The following MCM3 variants were observed in gnomAD, a reference collection of about 807,000 sequenced individuals.
MCM3 encodes the protein minichromosome maintenance complex component 3, also known as DNA replication licensing factor MCM3.
Under a neutral mutation model 91.3 loss-of-function variants are expected in MCM3, and 59 were observed. The ratio of observed to expected loss-of-function variants is 0.65; its 90% CI spans 0.52 to 0.80. The LOEUF (loss-of-function observed/expected upper bound fraction) is 0.80, where lower values mean the gene tolerates loss of function less well. MCM3 is among the 30% of genes least tolerant of loss of function. MCM3 has a pLI of 0.00. For missense variants in MCM3, 919 were observed against 1,035.4 expected (o/e 0.89, Z 1.54); for synonymous variants, 383 against 379.6 (o/e 1.01, Z -0.10).
rs373133266 is a variant in MCM3, at chr6:52,272,342, G to A, written c.1786C>T (p.Arg596Cys). 3.6e-5 allele frequency: 58 copies of A among 1,614,060 alleles called. 1 individual carries two copies. Among genetic ancestry groups the A allele is most frequent in the Admixed American group, 1.5e-4 (9 of 60,014 alleles). ...CTCATGCTATCCTGGCTGCGCAGGC[G>A]TGAATACTCTTCTGCAATGTAGGTG... is the stretch of plus-strand genomic sequence containing the variant. ...SATYIAEEYS[R>C]LRSQDSMSSD... Residue 596 changes from arginine to cysteine, a missense_variant, in exon 12 of 17, where the codon CGC (arginine) becomes TGC (cysteine). Transcript: ENST00000596288.
intron 9 of MCM3, among the ~76,000 whole-genome samples, chr6:52,275,600 C>G (rs1765488375): frequency 6.6e-6 from 1 of 152,194 alleles, no homozygotes; most frequent in Non-Finnish European, 1.5e-5. Flanking sequence ...ATTCCCAAAT[C>G]TATCCACACA....
chr6:52,280,166 T>C (rs1191220970), intron 4 of MCM3, among the ~76,000 whole-genome samples: 1 of 152,216 alleles, frequency 6.6e-6, no homozygotes, highest in Non-Finnish European at 1.5e-5. Context: ...TCCATACTGT[T>C]AGACATCAGG....
chr6:52,275,652 GA>G lies in MCM3; in HGVS notation c.1374+615del, dbSNP rs761782168. Among the ~76,000 whole-genome samples the G allele has an allele frequency of 4.6e-5, 7 of 152,160 alleles. No individual in the cohort carries two copies. The East Asian group carries it at 1.3e-3, about 29-fold the overall frequency. On this transcript the variant is annotated intron_variant, in intron 9 of 16. Transcript: ENST00000596288. Reference sequence around the variant, plus strand: ...CTACAGCTTCATTCAAAATAGGGAGGAAAAAATGGAAACCACTAAATACCCA... The same window carrying G: ...CTACAGCTTCATTCAAAATAGGGAGGAAAAATGGAAACCACTAAATACCCA...
chr6:52,272,089 G>A (rs1765181621), intron 12 of MCM3, among the ~76,000 whole-genome samples: 2 of 152,118 alleles, frequency 1.3e-5, no homozygotes, highest in African/African-American at 4.8e-5. Flanking sequence ...GGAGGCCAAT[G>A]TCATTTTAAC....
intron 15 of MCM3, 114 bp from the exon 16 acceptor site, chr6:52,266,258 T>C: frequency 1.2e-6 from 1 of 801,212 alleles, no homozygotes; most frequent in Non-Finnish European, 2.2e-6. Context: ...TGCTGAACAC[T>C]CCTATTTCCT....
At position 52,282,181 on chromosome 6, in the gene MCM3, G is replaced by C. The variant is rs375953554; in HGVS notation, c.401-6C>G. 6.2e-7 allele frequency: 1 copy of C among 1,614,002 alleles called. No individual in the cohort carries two copies. The highest frequency in any genetic ancestry group is 1.7e-5 in the Admixed American group (1 of 60,004). On this transcript the variant is annotated splice_region_variant and splice_polypyrimidine_tract_variant and intron_variant, in intron 3 of 16. Transcript: ENST00000596288. ...TTTGGGACGAACTAGAGAACCTAGG[G>C]ATGGAAAATGTGCATATATAAACTC...
In MCM3 at chr6:52,284,715, G is replaced by T; in HGVS notation, c.-41C>A. 1 of 1,582,954 alleles carries T rather than the reference G, an allele frequency of 6.3e-7. No homozygotes were observed. Among genetic ancestry groups the T allele is most frequent in the East Asian group, 2.3e-5 (1 of 43,502 alleles). On this transcript the variant is annotated 5_prime_UTR_variant, in exon 1 of 17. Transcript: ENST00000596288. ...ACTACCTCCACCAAAGTCGCGTGGA[G>T]GTTCCCAGGATGACTCCACCCCGGC... is the stretch of plus-strand genomic sequence containing the variant.
At position 52,273,934 on chromosome 6, in the gene MCM3, A is replaced by C. The variant is rs745891111; in HGVS notation, c.1375-18T>G. Reference sequence around the variant, plus strand: ...TGGTCATACTGGGGAATGCGAGGACAACAGAAGTGGACATGACATCAATAG... The same window carrying C: ...TGGTCATACTGGGGAATGCGAGGACCACAGAAGTGGACATGACATCAATAG... On this transcript the variant is annotated intron_variant, in intron 9 of 16. Coordinates refer to ENST00000596288, the MANE Select transcript of MCM3 (RefSeq NM_002388.6). The C allele has an allele frequency of 4.4e-6, 7 of 1,591,796 alleles. No individual in the cohort carries two copies. In the African/African-American group the frequency reaches 9.4e-5, roughly 21 times the overall value.
rs180922414 is a variant in MCM3 at position 52,283,865 on chromosome 6, A to G, written c.79-459T>C. On this transcript the variant is annotated intron_variant, in intron 1 of 16. Coordinates refer to ENST00000596288, the MANE Select transcript of MCM3 (RefSeq NM_002388.6). ...ATATCAAAACATGTGCACTTCAAATATATACAATAAAAATGTAAATAAAAC... is the reference window on the plus strand; with the variant it reads ...ATATCAAAACATGTGCACTTCAAATGTATACAATAAAAATGTAAATAAAAC... Among the ~76,000 whole-genome samples the G allele has an allele frequency of 2.9e-3, 443 of 152,388 alleles. 1 individual carries two copies. Among genetic ancestry groups the G allele is most frequent in the African/African-American group, 0.01 (428 of 41,600 alleles).
At chr6:52,276,165 G>C in intron 9 of MCM3, 103 bp downstream of exon 9, 3 of 1,028,590 alleles carry the variant, frequency 2.9e-6, no homozygotes, top group Non-Finnish European at 4.3e-6. Context: ...TTTAGTCTTT[G>C]GCCTATTATT....
Position 52,276,268 on chromosome 6 carries a change from C to G in MCM3, c.1374G>C (p.Arg458Ser), listed in dbSNP as rs1406530003. 1 of 1,608,368 alleles carries G rather than the reference C, an allele frequency of 6.2e-7. No individual in the cohort carries two copies. ...ATGGTTGGGGCCTGATTCCACTTAC[C>G]CTGCCGTAGACAGGGTTGGCAGCTG... ...VLAAANPVYG[R>S]YDQYKTPMEN... The change falls in exon 9 of 17, where the codon AGG (arginine) becomes AGC (serine). Residue 458 changes from arginine (R) to serine (S), a missense_variant and splice_region_variant. Around this residue, in one of 3 missense-constraint regions of MCM3, gnomAD observed 233 missense variants for 321.2 expected, o/e 0.73. Coordinates refer to ENST00000596288, the MANE Select transcript of MCM3 (RefSeq NM_002388.6).
In MCM3 at chr6:52,278,897, A is replaced by G. The variant is rs752474698; in HGVS notation, c.771-47T>C. On this transcript the variant is annotated intron_variant, in intron 5 of 16. Transcript: ENST00000596288. ...GGAAACCCGTTATATTCAATTCCTA[A>G]CATCAGTAGCTAGTACCCCTAGCAG... 7 of 1,366,190 alleles carry G rather than the reference A, an allele frequency of 5.1e-6. No individual in the cohort carries two copies. The South Asian group carries it at 7.4e-5, about 14-fold the overall frequency. 84.6% of individuals were successfully genotyped at this position (1,366,190 alleles called of 1,614,324 possible). A position where few individuals can be genotyped will look rare whatever the true frequency, so the allele number is the denominator to read the frequency against.
In MCM3 at chr6:52,270,328, CAAAAAAAAA is replaced by C. The variant is rs35565084; in HGVS notation, c.1828-1111_1828-1103del. ...TGGGCAACAGAGCGAGATTCCATCT[CAAAAAAAAA>C]AAAAAAAAGAAAAAAAAAGAAACTA... On this transcript the variant is annotated intron_variant, in intron 12 of 16. Coordinates refer to ENST00000596288, the MANE Select transcript of MCM3 (RefSeq NM_002388.6). Among the ~76,000 whole-genome samples the C allele has an allele frequency of 2.9e-5, 3 of 103,452 alleles. No homozygotes were observed. In the East Asian group the frequency reaches 7.9e-4, roughly 27 times the overall value. 67.9% of individuals were successfully genotyped at this position (103,452 alleles called of 152,430 possible). A position where few individuals can be genotyped will look rare whatever the true frequency, so the allele number is the denominator to read the frequency against.
Position 52,282,794 on chromosome 6 carries a change from T to C in MCM3, c.259A>G (p.Ile87Val), listed in dbSNP as rs756199726. ...TACTGCTTGGCATAGGTAGCATCAA[T>C]GGAGGCCACAAAATCCTTTAAGGCC... ...QRALKDFVAS[I>V]DATYAKQYEE... The change falls in exon 3 of 17, where the codon ATT (isoleucine) becomes GTT (valine). Residue 87 changes from isoleucine to valine, a missense_variant. Ile to Val is a conservative substitution (Grantham distance 29, BLOSUM62 3). Coordinates refer to ENST00000596288, the MANE Select transcript of MCM3 (RefSeq NM_002388.6). 3.0e-5 allele frequency: 49 copies of C among 1,614,034 alleles called. No individual in the cohort carries two copies. Among genetic ancestry groups the C allele is most frequent in the Non-Finnish European group, 3.8e-5 (45 of 1,180,020 alleles).
In MCM3 at chr6:52,271,000, CAGG is replaced by C. The variant is rs1307504523; in HGVS notation, c.1827+1298_1827+1300del. The stretch of plus-strand genomic sequence containing the variant: ...GGCCGAGATGGGCGGATCACGAGGT[CAGG>C]AGATTGAGACCAGCCTGGTCAACAC... On this transcript the variant is annotated intron_variant, in intron 12 of 16. Transcript: ENST00000596288. Among the ~76,000 whole-genome samples, 4 of 151,830 alleles carry C rather than the reference CAGG, an allele frequency of 2.6e-5. No homozygotes were observed. The South Asian group carries it at 6.3e-4, about 24-fold the overall frequency.
At chr6:52,272,496 C>A (rs1581720732) in intron 11 of MCM3, 45 bp from the exon 12 acceptor site, 1 of 1,609,754 alleles carries the variant, frequency 6.2e-7, no homozygotes, top group East Asian at 2.2e-5. Flanking sequence ...CACACCTTAC[C>A]ACCTGCCTGG....
chr6:52,264,716 G>A lies in MCM3; in HGVS notation c.2299C>T (p.Arg767Cys), dbSNP rs150947999. ...TCCCGGTTGATGGATTCTGTGAGGC[G>A]ATTCATGCCGATTGACTGCGCATGA... ...EAHAQSIGMN[R>C]LTESINRDSE... is the part of the protein sequence containing the mutation. The change falls in exon 17 of 17, where the codon CGC becomes TGC. Residue 767 changes from arginine (R) to cysteine (C), a missense_variant. This residue lies in a region of MCM3 where 285 missense variants were observed against 311.4 expected (regional missense o/e 0.92). Transcript: ENST00000596288. 5.0e-5 allele frequency: 81 copies of A among 1,614,142 alleles called. No individual in the cohort carries two copies. The African/African-American group carries it at 7.3e-4, about 15-fold the overall frequency.
At chr6:52,274,286 G>A (rs1437269654) in intron 9 of MCM3, among the ~76,000 whole-genome samples, 1 of 152,170 alleles carries the variant, frequency 6.6e-6, no homozygotes, top group African/African-American at 2.4e-5. Context: ...GACAGGGCAA[G>A]TTGGTTAGGC....
In MCM3 at chr6:52,282,845, A is replaced by G. The variant is rs1177768756; in HGVS notation, c.208T>C (p.Phe70Leu). The change falls in exon 3 of 17, where the codon TTT becomes CTT. Residue 70 changes from phenylalanine to leucine, a missense_variant. By Grantham distance (22) the Phe-to-Leu change is conservative. Transcript: ENST00000596288. ...KRANRLLNNA[F>L]EELVAFQRAL... ...CGCTGGAAGGCAACCAGCTCCTCAA[A>G]GGCATTGTTCAGAAGCCTGTACATA... is the stretch of plus-strand genomic sequence containing the variant. The G allele has an allele frequency of 2.5e-6, 4 of 1,613,952 alleles. No homozygotes were observed. Among genetic ancestry groups the G allele is most frequent in the Non-Finnish European group, 3.4e-6 (4 of 1,180,014 alleles).
Sources: allele counts gnomAD v4.1 joint callset (sites outside exome capture counted in the v4.1 genomes callset), GRCh38; gene constraint gnomAD v4.1.1; regional missense constraint gnomAD v4.1.1; transcripts MANE v1.5; gene names NCBI Gene and HGNC (gene_info 2026-07-23, HGNC 2026-07-21).